Variants in HECTD4 observed in about 807,000 individuals in gnomAD.
HECTD4 encodes probable E3 ubiquitin-protein ligase HECTD4.
HECTD4 carries 114 observed loss-of-function variants against 471.5 expected under a neutral mutation model. That is an observed-to-expected ratio of 0.24 (90% CI 0.21 to 0.28). HECTD4 has a LOEUF of 0.28. HECTD4 is among the 10% of genes least tolerant of loss of function. The pLI is 1.00. For synonymous variants in HECTD4, 2,012 were observed against 2,256.0 expected (o/e 0.89, Z 3.07); for missense variants, 3,866 against 5,651.5 (o/e 0.68, Z 10.13).
At chr12:112,264,294 T>C in intron 16 of HECTD4, 82 bp from the exon 17 acceptor site, 1 of 1,271,104 alleles carries the variant, frequency 7.9e-7, no homozygotes, top group Non-Finnish European at 1.0e-6. Context: ...TTAAAAGATT[T>C]TGACAAAGAA....
At position 112,169,762 on chromosome 12, in the gene HECTD4, C is replaced by T. The variant is rs1226829374; in HGVS notation, c.12053-104G>A. 6.0e-6 allele frequency: 8 copies of T among 1,338,024 alleles called. No individual in the cohort carries two copies. The East Asian group carries it at 1.4e-4, about 23-fold the overall frequency. 82.9% of individuals were successfully genotyped at this position (1,338,024 alleles called of 1,614,324 possible). A position where few individuals can be genotyped will look rare whatever the true frequency, so the allele number is the denominator to read the frequency against. ...TAGCAGGCCTGTGCCTGTCCCTGGA[C>T]CCCTGCTCCCTCGCTCGGCCCCCTG... On this transcript the variant is annotated intron_variant, in intron 69 of 75. Coordinates refer to ENST00000682272, the MANE Select transcript of HECTD4 (RefSeq NM_001388303.1).
intron 1 of HECTD4, among the ~76,000 whole-genome samples, chr12:112,373,341 T>C (rs2036718519): frequency 6.6e-6 from 1 of 152,156 alleles, no homozygotes; most frequent in Non-Finnish European, 1.5e-5. Flanking sequence ...GGAGTTAGCC[T>C]GGCCAACATG....
intron 7 of HECTD4, among the ~76,000 whole-genome samples, chr12:112,298,770 T>C (rs915987259): frequency 2.0e-5 from 3 of 151,626 alleles, no homozygotes; most frequent in African/African-American, 7.3e-5. Context: ...TAATCCCAGC[T>C]ACTCAGGAGG....
rs35774693 is a variant in HECTD4 at position 112,334,207 on chromosome 12, TTAAATAAATAAATAAATAAA to T, written c.178-14485_178-14466del. Among the ~76,000 whole-genome samples the T allele has an allele frequency of 8.3e-4, 118 of 142,708 alleles. 1 individual carries two copies. Among genetic ancestry groups the T allele is most frequent in the African/African-American group, 2.9e-3 (113 of 38,380 alleles). The allele number at this position is 142,708 out of a possible 152,430, so 93.6% of individuals were successfully genotyped here. ...CTGGGCGACAGAGCCAGACTCCCTC[TTAAATAAATAAATAAATAAA>T]TAAATAAATAAATAAATAAATAAAG... On this transcript the variant is annotated intron_variant, in intron 1 of 75. Coordinates refer to ENST00000682272, the MANE Select transcript of HECTD4 (RefSeq NM_001388303.1).
intron 55 of HECTD4, among the ~76,000 whole-genome samples, chr12:112,200,051 G>A (rs922521814): frequency 6.6e-6 from 1 of 152,132 alleles, no homozygotes; most frequent in Non-Finnish European, 1.5e-5. Flanking sequence ...GCAGCGTTTG[G>A]GTGGTCTTAA....
chr12:112,365,588 A>G (rs1479989843), intron 1 of HECTD4, among the ~76,000 whole-genome samples: 2 of 152,258 alleles, frequency 1.3e-5, no homozygotes, highest in Middle Eastern at 3.4e-3. Context: ...TCTGGAGGCT[A>G]TTTAAGTAAA....
intron 40 of HECTD4, 107 bp downstream of exon 40, chr12:112,230,580 T>C: frequency 1.5e-6 from 2 of 1,374,754 alleles, no homozygotes; most frequent in Non-Finnish European, 1.9e-6. Context: ...AGGTATCTGA[T>C]GAATTTGGAA....
intron 14 of HECTD4, among the ~76,000 whole-genome samples, chr12:112,266,280 T>C (rs1431127569): frequency 1.3e-5 from 2 of 152,216 alleles, no homozygotes; most frequent in Non-Finnish European, 2.9e-5. Flanking sequence ...TGTTGTTTAG[T>C]CTAACTTAAA....
intron 1 of HECTD4, among the ~76,000 whole-genome samples, chr12:112,341,690 C>T (rs781489649): frequency 4.5e-4 from 69 of 152,310 alleles, no homozygotes; most frequent in Non-Finnish European, 6.5e-4. Flanking sequence ...GAAAAACTAA[C>T]CGACTAGCTA....
At chr12:112,323,596 G>GAA (rs886312326) in intron 1 of HECTD4, among the ~76,000 whole-genome samples, 1 of 143,876 alleles carries the variant, frequency 7.0e-6, no homozygotes. Flanking sequence ...GACATTCTGG[G>GAA]AAAAAAAAAA....
chr12:112,198,452 G>T (rs1445975505), intron 55 of HECTD4, among the ~76,000 whole-genome samples: 1 of 152,204 alleles, frequency 6.6e-6, no homozygotes, highest in African/African-American at 2.4e-5. Flanking sequence ...CCATGGGAAG[G>T]TCTGCATTAG....
At chr12:112,256,208 A>G in intron 21 of HECTD4, 112 bp downstream of exon 21, 1 of 754,716 alleles carries the variant, frequency 1.3e-6, no homozygotes, top group Non-Finnish European at 2.0e-6. Flanking sequence ...CCTTAGAGAT[A>G]TCTGCAGACA....
At chr12:112,208,441 A>G (rs535567576) in intron 51 of HECTD4, 53 bp downstream of exon 51, 86 of 1,488,930 alleles carry the variant, frequency 5.8e-5, no homozygotes, top group Admixed American at 9.9e-5. Context: ...CCTAGTCACT[A>G]GGGAGCTAAG....
intron 1 of HECTD4, among the ~76,000 whole-genome samples, chr12:112,364,403 T>C (rs1418119904): frequency 7.0e-6 from 1 of 143,380 alleles, no homozygotes; most frequent in Non-Finnish European, 1.5e-5. Flanking sequence ...CAAGACTCTC[T>C]CTCTCAAAAA....
chr12:112,363,504 G>C (rs1271283058), intron 1 of HECTD4, among the ~76,000 whole-genome samples: 2 of 152,132 alleles, frequency 1.3e-5, no homozygotes, highest in African/African-American at 4.8e-5. Context: ...TAGTGCTCAA[G>C]TTCACTACTT....
intron 1 of HECTD4, among the ~76,000 whole-genome samples, chr12:112,320,529 C>G (rs2035563480): frequency 6.6e-6 from 1 of 151,608 alleles, no homozygotes; most frequent in Non-Finnish European, 1.5e-5. Flanking sequence ...GAAACACCAT[C>G]TCTACTAAAA....
At chr12:112,305,474 C>T (rs2035253293) in intron 7 of HECTD4, among the ~76,000 whole-genome samples, 1 of 152,140 alleles carries the variant, frequency 6.6e-6, no homozygotes, top group Non-Finnish European at 1.5e-5. Context: ...ACTACTTTTC[C>T]TTCACTAATT....
At chr12:112,322,681 G>A (rs1424580609) in intron 1 of HECTD4, 1 of 152,510 alleles carries the variant, frequency 6.6e-6, no homozygotes, top group East Asian at 1.9e-4. Context: ...ATGAATTCAA[G>A]ATGGGAAGTT....
rs1341500228 is a variant in HECTD4 at position 112,163,767 on chromosome 12, GAA to G, written c.12702-32_12702-31del. ...CCGGGTGAGGAGCACAGGTGAGGGA[GAA>G]CACCGCCGAAGAGGCTGGGTCTGGG... On this transcript the variant is annotated intron_variant, in intron 73 of 75. Coordinates refer to ENST00000682272, the MANE Select transcript of HECTD4 (RefSeq NM_001388303.1). The surrounding 1 kb of genome is among the most constrained non-coding windows in gnomAD (Gnocchi z 8.2). The G allele has an allele frequency of 1.2e-5, 17 of 1,424,604 alleles. No individual in the cohort carries two copies. The highest frequency in any genetic ancestry group is 1.6e-5 in the Non-Finnish European group (17 of 1,083,754). The allele number at this position is 1,424,604 out of a possible 1,614,324, so 88.2% of individuals were successfully genotyped here. A position where few individuals can be genotyped will look rare whatever the true frequency, so the allele number is the denominator to read the frequency against.
Sources: gnomAD v4.1 joint callset for allele counts (sites outside exome capture counted in the v4.1 genomes callset) on GRCh38, gnomAD v4.1.1 for gene constraint, Gnocchi (gnomAD v3.1) non-coding constraint, MANE v1.5 for transcripts, NCBI Gene and HGNC (gene_info 2026-07-23, HGNC 2026-07-21) for gene names.